PLEKHM3: variants seen among roughly 807,000 people sequenced by gnomAD.
PLEKHM3 encodes the protein pleckstrin homology domain-containing family M member 3.
PLEKHM3 carries 45 observed loss-of-function variants against 81.8 expected under a neutral mutation model. The observed-to-expected ratio is 0.55, with a 90% CI of 0.43 to 0.71. The LOEUF (loss-of-function observed/expected upper bound fraction) is 0.71, where lower values mean the gene tolerates loss of function less well. Ranked by LOEUF, PLEKHM3 falls within the 30% of genes least tolerant of loss-of-function variation. The probability of loss-of-function intolerance (pLI) is 0.00; values close to 1 mark genes in which losing one functional copy is unlikely to be tolerated. For synonymous variants in PLEKHM3, 352 were observed against 356.4 expected (o/e 0.99, Z 0.14); for missense variants, 788 against 924.3 (o/e 0.85, Z 1.91).
rs192522010 is a variant in PLEKHM3, at chr2:207,948,480, C to T, written c.1547-1968G>A. Among the ~76,000 whole-genome samples, 56 of 151,516 alleles carry T rather than the reference C, an allele frequency of 3.7e-4. 1 individual carries two copies. The East Asian group carries it at 0.01, about 28-fold the overall frequency. Reference sequence around the variant, plus strand: ...AAGCGATTCTCCTGCCTCAGCCTCCCGAGTAGCTGGGACTACAGGCACGTG... The same window carrying T: ...AAGCGATTCTCCTGCCTCAGCCTCCTGAGTAGCTGGGACTACAGGCACGTG... On this transcript the variant is annotated intron_variant, in intron 3 of 7. Transcript: ENST00000427836.
At chr2:207,849,224 C>G (rs895427331) in intron 7 of PLEKHM3, among the ~76,000 whole-genome samples, 3 of 152,064 alleles carry the variant, frequency 2.0e-5, no homozygotes, top group Non-Finnish European at 4.4e-5. Context: ...ATCCCAGCTA[C>G]TCAGGGGGCT....
chr2:207,982,936 A>T (rs537566424), intron 2 of PLEKHM3, among the ~76,000 whole-genome samples: 2 of 152,228 alleles, frequency 1.3e-5, no homozygotes, highest in East Asian at 3.9e-4. Context: ...AATACAGTAT[A>T]TAATACATAT....
chr2:207,943,696 G>A (rs1276443291), intron 4 of PLEKHM3, among the ~76,000 whole-genome samples: 3 of 151,554 alleles, frequency 2.0e-5, no homozygotes, highest in African/African-American at 2.4e-5. Context: ...GTGAAACCCC[G>A]TCTCTACTAA....
chr2:207,884,142 C>A (rs947437222), intron 6 of PLEKHM3, among the ~76,000 whole-genome samples: 2 of 148,746 alleles, frequency 1.3e-5, no homozygotes, highest in Admixed American at 1.3e-4. Context: ...CCCACCCCCA[C>A]CCCCCAAAAA....
intron 2 of PLEKHM3, among the ~76,000 whole-genome samples, chr2:207,978,650 G>A (rs773971317): frequency 2.6e-5 from 4 of 152,060 alleles, no homozygotes; most frequent in East Asian, 1.9e-4. Flanking sequence ...TTAGATGGCC[G>A]TTTTCTCTCT....
At chr2:207,860,617 T>C (rs2092462483) in intron 7 of PLEKHM3, among the ~76,000 whole-genome samples, 1 of 152,212 alleles carries the variant, frequency 6.6e-6, no homozygotes, top group African/African-American at 2.4e-5. Flanking sequence ...TTTTCTCTCC[T>C]TTGGATCCTA....
intron 1 of PLEKHM3, among the ~76,000 whole-genome samples, chr2:208,014,229 C>T (rs549387081): frequency 6.6e-6 from 1 of 152,264 alleles, no homozygotes; most frequent in Admixed American, 6.5e-5. Flanking sequence ...AAGATAAGCA[C>T]AAGATAAGGC....
At chr2:207,836,190 T>C (rs555450113) in intron 7 of PLEKHM3, among the ~76,000 whole-genome samples, 238 of 152,104 alleles carry the variant, frequency 1.6e-3, no homozygotes, top group African/African-American at 5.3e-3. Context: ...AAATGCATCA[T>C]ATGCATGCCT....
chr2:207,832,116 C>T (rs750334091), intron 7 of PLEKHM3, among the ~76,000 whole-genome samples: 5 of 152,206 alleles, frequency 3.3e-5, no homozygotes, highest in African/African-American at 7.2e-5. Context: ...AAGAGCTGAG[C>T]GCACCTGCTC....
chr2:207,978,164 A>G (rs1398543688), intron 2 of PLEKHM3, among the ~76,000 whole-genome samples: 2 of 123,578 alleles, frequency 1.6e-5, no homozygotes, highest in East Asian at 3.9e-4. Flanking sequence ...GGAACGTGCA[A>G]CATCAACGGA....
rs1177948830 is a variant in PLEKHM3, at chr2:208,011,785, C to CTTTT, written c.-318-9832_-318-9829dup. 7.4e-4 allele frequency among the ~76,000 whole-genome samples: 59 copies of CTTTT among 79,980 alleles called. 4 individuals carry two copies. Among genetic ancestry groups the CTTTT allele is most frequent in the African/African-American group, 2.0e-3 (33 of 16,768 alleles). The allele number at this position is 79,980 out of a possible 152,430, so 52.5% of individuals were successfully genotyped here. On this transcript the variant is annotated intron_variant, in intron 1 of 7. Transcript: ENST00000427836. Reference sequence around the variant, plus strand: ...AAAAATTTTTAAGTGCTCTGATAAACTTTTTTTTTTTTTTTTTTTTTTTTT... The same window carrying CTTTT: ...AAAAATTTTTAAGTGCTCTGATAAACTTTTTTTTTTTTTTTTTTTTTTTTTTTTT...
intron 1 of PLEKHM3, among the ~76,000 whole-genome samples, chr2:208,003,721 C>A (rs1006393628): frequency 2.1e-4 from 32 of 152,212 alleles, no homozygotes; most frequent in African/African-American, 7.2e-4. Context: ...AAAGTTAAAC[C>A]TTCAGTCTCT....
intron 5 of PLEKHM3, among the ~76,000 whole-genome samples, chr2:207,913,664 T>G (rs1688884612): frequency 6.6e-6 from 1 of 151,970 alleles, no homozygotes; most frequent in South Asian, 2.1e-4. Flanking sequence ...CGAAGTCAAC[T>G]TTAAAGAAAA....
At chr2:207,973,914 T>C (rs1388613787) in intron 3 of PLEKHM3, among the ~76,000 whole-genome samples, 1 of 152,068 alleles carries the variant, frequency 6.6e-6, no homozygotes, top group East Asian at 1.9e-4. Context: ...TGCCACACTA[T>C]ACAAAATAAG....
chr2:207,960,952 A>T (rs1442834650), intron 3 of PLEKHM3, among the ~76,000 whole-genome samples: 2 of 152,216 alleles, frequency 1.3e-5, no homozygotes, highest in Admixed American at 6.5e-5. Flanking sequence ...CTGAATTAGG[A>T]TATGTCACTT....
At chr2:207,869,478 T>C (rs967454328) in intron 6 of PLEKHM3, among the ~76,000 whole-genome samples, 1 of 152,220 alleles carries the variant, frequency 6.6e-6, no homozygotes, top group African/African-American at 2.4e-5. Flanking sequence ...TCCATTAAAC[T>C]TAATGTCTTG....
At chr2:207,869,149 C>T (rs1385873352) in intron 6 of PLEKHM3, among the ~76,000 whole-genome samples, 1 of 152,148 alleles carries the variant, frequency 6.6e-6, no homozygotes, top group Non-Finnish European at 1.5e-5. Flanking sequence ...AACAACCCCT[C>T]AAAAAGTCAA....
chr2:208,018,762 GATAAA>G, intron 1 of PLEKHM3, among the ~76,000 whole-genome samples: 1 of 152,184 alleles, frequency 6.6e-6, no homozygotes, highest in African/African-American at 2.4e-5. Flanking sequence ...TTGCCATTTG[GATAAA>G]CTACACACAT....
At chr2:208,002,566 C>T (rs1392863460) in intron 1 of PLEKHM3, among the ~76,000 whole-genome samples, 1 of 152,126 alleles carries the variant, frequency 6.6e-6, no homozygotes, top group Non-Finnish European at 1.5e-5. Context: ...CCAGGATTGG[C>T]CTCAGAGTAT....
Sources: allele counts gnomAD v4.1 joint callset (sites outside exome capture counted in the v4.1 genomes callset), GRCh38; gene constraint gnomAD v4.1.1; transcripts MANE v1.5; gene names NCBI Gene and HGNC (gene_info 2026-07-23, HGNC 2026-07-21).